Variants in TARDBP observed in about 807,000 individuals in gnomAD.
TARDBP encodes the protein TAR DNA-binding protein 43.
In TARDBP, 4 loss-of-function variants were observed where a neutral mutation model predicts 38.3. The observed-to-expected ratio is 0.10, with a 90% CI of 0.05 to 0.24. The LOEUF is 0.24. TARDBP is among the 10% of genes least tolerant of loss of function. The pLI, the probability that TARDBP is intolerant of heterozygous loss-of-function variation, is 1.00. For missense variants in TARDBP, 202 were observed against 521.9 expected (o/e 0.39, Z 5.97); for synonymous variants, 184 against 183.8 (o/e 1.00, Z -0.01).
At chr1:11,015,414 G>A (rs916517879) in intron 2 of TARDBP, 1 of 152,004 alleles carries the variant, frequency 6.6e-6, no homozygotes, top group African/African-American at 2.4e-5. Context: ...TGAACCGGGA[G>A]GTGGAGATTG....
downstream of TARDBP, chr1:11,027,693 A>G (rs1643763307): frequency 2.6e-6 from 4 of 1,530,476 alleles, no homozygotes; most frequent in Non-Finnish European, 3.5e-6. Flanking sequence ...TAAAAATGTC[A>G]ATCGTGTTTT....
rs1643648981 is a variant in TARDBP at position 11,022,027 on chromosome 1, T to C, written c.715-97T>C. 1 of 1,431,096 alleles carries C rather than the reference T, an allele frequency of 7.0e-7. No homozygotes were observed. The highest frequency in any genetic ancestry group is 9.8e-7 in the Non-Finnish European group (1 of 1,023,696). 88.6% of individuals were successfully genotyped at this position (1,431,096 alleles called of 1,614,324 possible). A position where few individuals can be genotyped will look rare whatever the true frequency, so the allele number is the denominator to read the frequency against. ...TCATTGCTTATTTTTCCTCTGGCTT[T>C]AGATAAATTAATGCTTGTAATCTAA... On this transcript the variant is annotated intron_variant, in intron 5 of 5. Transcript: ENST00000240185. This position sits in a 1 kb window ranked among gnomAD's most constrained non-coding sequence, Gnocchi z 4.5.
chr1:11,027,809 AC>A (rs1247370818), downstream of TARDBP, among the ~76,000 whole-genome samples: 1 of 152,258 alleles, frequency 6.6e-6, no homozygotes, highest in African/African-American at 2.4e-5. Context: ...CTATTTTAAA[AC>A]ATCACAGTTC....
chr1:11,019,901 A>T (rs1967713), intron 4 of TARDBP, among the ~76,000 whole-genome samples: 2 of 144,466 alleles, frequency 1.4e-5, no homozygotes, highest in Admixed American at 7.0e-5. Context: ...TTTCACTCTT[A>T]TTGCTCAGGC....
At chr1:11,028,703 T>TG (rs1452687580), downstream of TARDBP, among the ~76,000 whole-genome samples, 6 of 36,070 alleles carry the variant, frequency 1.7e-4, no homozygotes, top group East Asian at 0.017. Context: ...CTGGGTTTTT[T>TG]TTCTTTTTTT....
chr1:11,016,104 A>AT (rs1034813046), intron 2 of TARDBP: 2 of 151,762 alleles, frequency 1.3e-5, no homozygotes, highest in Non-Finnish European at 2.9e-5. Flanking sequence ...CGCCCGGCTA[A>AT]TTTTTTCTTT....
In TARDBP at chr1:11,024,892, T is replaced by G. The variant is rs908170972; in HGVS notation, c.*2238T>G. The G allele has an allele frequency of 6.6e-6, 1 of 152,596 alleles. No individual in the cohort carries two copies. Among genetic ancestry groups the G allele is most frequent in the Non-Finnish European group, 1.5e-5 (1 of 68,044 alleles). The allele number at this position is 152,596 out of a possible 1,614,324, so 9.5% of individuals were successfully genotyped here. On this transcript the variant is annotated 3_prime_UTR_variant, in exon 6 of 6. Coordinates refer to ENST00000240185, the MANE Select transcript of TARDBP (RefSeq NM_007375.4). ...ATATTTGTTGTGTTGGTAGTTTACC[T>G]AATGCCCTTACCTAATTAGATTATG...
chr1:11,020,518 C>T lies in TARDBP; in HGVS notation c.633C>T (p.Phe211=). Residue 211 remains phenylalanine, a synonymous_variant, in exon 5 of 6, where the codon TTC becomes TTT. Transcript: ENST00000240185. ...CTGAGGATGAGCTGCGGGAGTTCTT[C>T]TCTCAGTACGGGGATGTGATGGATG... ...DMTEDELREF[F]SQYGDVMDVF... 1 of 1,613,998 alleles carries T rather than the reference C, an allele frequency of 6.2e-7. No individual in the cohort carries two copies. The highest frequency in any genetic ancestry group is 8.5e-7 in the Non-Finnish European group (1 of 1,179,966).
intron 3 of TARDBP, 42 bp downstream of exon 3, chr1:11,017,049 A>G: frequency 6.3e-7 from 1 of 1,597,606 alleles, no homozygotes; most frequent in Non-Finnish European, 8.6e-7. Context: ...TTACCAGTGA[A>G]TGAGTATCTA....
At chr1:11,028,697 GTTTTTTTTCTT>G (rs1643782243), downstream of TARDBP, among the ~76,000 whole-genome samples, 7 of 36,176 alleles carry the variant, frequency 1.9e-4, no homozygotes, top group African/African-American at 7.8e-4. Flanking sequence ...ATCTTTCTGG[GTTTTTTTTCTT>G]TTTTTTTTTT....
In TARDBP at chr1:11,013,921, A is replaced by T; in HGVS notation, c.194A>T (p.Asp65Val). 2 of 1,614,212 alleles carry T rather than the reference A, an allele frequency of 1.2e-6. No homozygotes were observed. The highest frequency in any genetic ancestry group is 1.7e-6 in the Non-Finnish European group (2 of 1,180,038). Residue 65 changes from aspartate (D) to valine (V), a missense_variant, in exon 2 of 6, where the codon GAT becomes GTT. This residue lies in a region of TARDBP where 71 missense variants were observed against 185.4 expected (regional missense o/e 0.38). Transcript: ENST00000240185. ...RLVEGILHAP[D>V]AGWGNLVYVV... ...GTAGAAGGAATTCTGCATGCCCCAG[A>T]TGCTGGCTGGGGAAATCTGGTGTAT...
At chr1:11,025,678 A>G (rs1643720512), downstream of TARDBP, 2 of 152,264 alleles carry the variant, frequency 1.3e-5, no homozygotes, top group South Asian at 2.1e-4. Flanking sequence ...AAGCTTTTAC[A>G]TGGAATGGTA....
intron 3 of TARDBP, among the ~76,000 whole-genome samples, chr1:11,017,867 T>C (rs1275160564): frequency 6.7e-6 from 1 of 148,602 alleles, no homozygotes; most frequent in Non-Finnish European, 1.5e-5. Flanking sequence ...GGCGAACATA[T>C]CCAGACTCAG....
At chr1:11,026,964 C>A, downstream of TARDBP, 1 of 1,551,796 alleles carries the variant, frequency 6.4e-7, no homozygotes, top group Non-Finnish European at 8.7e-7. Flanking sequence ...ACCTGCTTCC[C>A]CACAATTCAT....
At chr1:11,029,995 C>CT (rs1201230823), downstream of TARDBP, 2 of 529,290 alleles carry the variant, frequency 3.8e-6, no homozygotes, top group Admixed American at 7.4e-5. Context: ...CAGTCAGCAC[C>CT]TAACAACCTC....
chr1:11,020,659 A>G (rs1326687616), intron 5 of TARDBP, 60 bp downstream of exon 5: 1 of 1,483,598 alleles, frequency 6.7e-7, no homozygotes, highest in Non-Finnish European at 8.9e-7. Context: ...TTACAATCCC[A>G]GCACTTTGGA....
At position 11,018,881 on chromosome 1, in the gene TARDBP, C is replaced by T. The variant is rs767985682; in HGVS notation, c.543+8C>T. The T allele has an allele frequency of 8.7e-6, 14 of 1,613,838 alleles. No individual in the cohort carries two copies. Among genetic ancestry groups the T allele is most frequent in the Middle Eastern group, 1.6e-4 (1 of 6,084 alleles). ...AAACTTCCTAATTCTAAGGTACTTGCGTCTGTGCTTTGGGAATTTTTGCCA... is the reference window on the plus strand; with the variant it reads ...AAACTTCCTAATTCTAAGGTACTTGTGTCTGTGCTTTGGGAATTTTTGCCA... On this transcript the variant is annotated splice_region_variant and intron_variant, in intron 4 of 5. Coordinates refer to ENST00000240185, the MANE Select transcript of TARDBP (RefSeq NM_007375.4).
downstream of TARDBP, chr1:11,027,643 C>T (rs1341653478): frequency 1.3e-6 from 2 of 1,595,372 alleles, no homozygotes; most frequent in South Asian, 1.1e-5. Flanking sequence ...GCTGATAGTC[C>T]ACAAACTGGA....
chr1:11,015,502 G>A (rs1165458347), intron 2 of TARDBP: 2 of 150,080 alleles, frequency 1.3e-5, no homozygotes, highest in African/African-American at 4.9e-5. Context: ...TTTTTTAAAT[G>A]TCATTTAATT....
Sources: gnomAD v4.1 joint callset for allele counts (sites outside exome capture counted in the v4.1 genomes callset) on GRCh38, gnomAD v4.1.1 for gene constraint, gnomAD v4.1.1 regional missense constraint, Gnocchi (gnomAD v3.1) non-coding constraint, MANE v1.5 for transcripts, NCBI Gene and HGNC (gene_info 2026-07-23, HGNC 2026-07-21) for gene names.